The following NPSR1 variants were observed in gnomAD, a reference collection of about 807,000 sequenced individuals.
NPSR1 encodes neuropeptide S receptor 1.
A neutral mutation model predicts 46.9 loss-of-function variants in NPSR1; 48 were observed. That is an observed-to-expected ratio of 1.02 (90% CI 0.81 to 1.30). The LOEUF (loss-of-function observed/expected upper bound fraction) is 1.30. Ranked by LOEUF, NPSR1 falls within the 50% of genes most tolerant of loss-of-function variation. The pLI, the probability that NPSR1 is intolerant of heterozygous loss-of-function variation, is 0.00. For missense variants in NPSR1, 450 were observed against 449.5 expected (o/e 1.00, Z -0.01); for synonymous variants, 176 against 168.1 (o/e 1.05, Z -0.36).
chr7:34,834,048 C>T (rs1790248286), intron 5 of NPSR1: 1 of 318,698 alleles, frequency 3.1e-6, no homozygotes, highest in African/African-American at 2.1e-5. Context: ...GACTGTACAA[C>T]AGACAAGTAG....
At chr7:34,849,068 A>G (rs1309158046) in intron 8 of NPSR1, among the ~76,000 whole-genome samples, 5 of 152,274 alleles carry the variant, frequency 3.3e-5, no homozygotes, top group Non-Finnish European at 7.3e-5. Context: ...AATAATTAGC[A>G]GAGCTGAAAT....
intron 2 of NPSR1, among the ~76,000 whole-genome samples, chr7:34,687,461 C>G (rs774494939): frequency 6.6e-6 from 1 of 152,114 alleles, no homozygotes; most frequent in Non-Finnish European, 1.5e-5. Context: ...CTTATTAATA[C>G]AATCATGGCA....
chr7:34,727,890 A>G (rs1784240189), intron 2 of NPSR1, among the ~76,000 whole-genome samples: 1 of 152,178 alleles, frequency 6.6e-6, no homozygotes, highest in Non-Finnish European at 1.5e-5. Flanking sequence ...CGTTATTGAA[A>G]TAATATAACA....
At chr7:34,792,641 G>A (rs1357455568) in intron 3 of NPSR1, among the ~76,000 whole-genome samples, 1 of 81,104 alleles carries the variant, frequency 1.2e-5, no homozygotes, top group African/African-American at 4.1e-5. Flanking sequence ...GTGTGTATGT[G>A]TATATATATA....
chr7:34,827,643 C>CT (rs5883474), intron 5 of NPSR1, 41 bp downstream of exon 5: 25 of 405,662 alleles, frequency 6.2e-5, no homozygotes, highest in Admixed American at 2.3e-4. Context: ...GGGGGTGGGG[C>CT]GGGGGGGGCT....
chr7:34,673,969 G>A (rs1383403659), intron 1 of NPSR1, among the ~76,000 whole-genome samples: 1 of 152,160 alleles, frequency 6.6e-6, no homozygotes, highest in Non-Finnish European at 1.5e-5. Flanking sequence ...AACTGTATTT[G>A]CAAGCAGGCC....
At chr7:34,749,304 C>G (rs889377453) in intron 2 of NPSR1, among the ~76,000 whole-genome samples, 1 of 152,166 alleles carries the variant, frequency 6.6e-6, no homozygotes, top group Non-Finnish European at 1.5e-5. Context: ...TCTTGATTCT[C>G]TAGCTCCTTA....
intron 3 of NPSR1, among the ~76,000 whole-genome samples, chr7:34,796,244 TAAAAG>T (rs1788165714): frequency 6.6e-6 from 1 of 151,760 alleles, no homozygotes; most frequent in Non-Finnish European, 1.5e-5. Context: ...AAAACGAACA[TAAAAG>T]AAAACCTAGA....
intron 2 of NPSR1, among the ~76,000 whole-genome samples, chr7:34,715,778 C>T (rs1783531356): frequency 1.3e-5 from 2 of 152,178 alleles, no homozygotes; most frequent in African/African-American, 2.4e-5. Flanking sequence ...CTGGGTTCAT[C>T]TTTGTAGCTA....
chr7:34,778,183 A>C (rs1001519177), intron 2 of NPSR1, among the ~76,000 whole-genome samples: 1 of 152,158 alleles, frequency 6.6e-6, no homozygotes, highest in East Asian at 1.9e-4. Context: ...CTGTTCTGTG[A>C]CTTAAAAAGT....
chr7:34,771,132 T>G (rs1052325381), intron 2 of NPSR1, among the ~76,000 whole-genome samples: 2 of 152,106 alleles, frequency 1.3e-5, no homozygotes, highest in Non-Finnish European at 2.9e-5. Flanking sequence ...TTTATTCTGT[T>G]AACAGTGAAG....
chr7:34,780,241 G>C (rs1032531288), intron 3 of NPSR1, among the ~76,000 whole-genome samples: 2 of 152,080 alleles, frequency 1.3e-5, no homozygotes, highest in African/African-American at 4.8e-5. Context: ...TAGGAAGTAA[G>C]GATTATTTTC....
chr7:34,752,863 T>C (rs561118451), intron 2 of NPSR1, among the ~76,000 whole-genome samples: 17 of 152,326 alleles, frequency 1.1e-4, no homozygotes, highest in African/African-American at 3.8e-4. Context: ...GACACAAAGC[T>C]GAACAGGCAC....
At chr7:34,832,293 G>C (rs1345354723) in intron 5 of NPSR1, among the ~76,000 whole-genome samples, 1 of 152,188 alleles carries the variant, frequency 6.6e-6, no homozygotes, top group East Asian at 1.9e-4. Flanking sequence ...CAGCACTCTG[G>C]GAGGCCTAGG....
At chr7:34,797,319 C>T (rs1389352521) in intron 3 of NPSR1, among the ~76,000 whole-genome samples, 1 of 152,126 alleles carries the variant, frequency 6.6e-6, no homozygotes, top group Admixed American at 6.6e-5. Flanking sequence ...CTAATGTAAA[C>T]TATGAACTTT....
intron 2 of NPSR1, among the ~76,000 whole-genome samples, chr7:34,717,699 G>T (rs1336818886): frequency 6.6e-6 from 1 of 152,192 alleles, no homozygotes; most frequent in African/African-American, 2.4e-5. Flanking sequence ...TCTCATCTTG[G>T]AAAAGGACAG....
intron 3 of NPSR1, among the ~76,000 whole-genome samples, chr7:34,784,929 G>A (rs1209165271): frequency 6.6e-6 from 1 of 152,054 alleles, no homozygotes; most frequent in East Asian, 1.9e-4. Context: ...TTACACTGTT[G>A]GCAGAACTGT....
At chr7:34,845,813 G>T (rs1460722469) in intron 7 of NPSR1, among the ~76,000 whole-genome samples, 2 of 151,984 alleles carry the variant, frequency 1.3e-5, no homozygotes, top group Admixed American at 1.3e-4. Context: ...TTTGTCGAAT[G>T]AATGAATGAA....
Position 34,795,445 on chromosome 7 carries a change from GAC to G in NPSR1, c.385-16320_385-16319del, listed in dbSNP as rs1325422006. 3.3e-5 allele frequency among the ~76,000 whole-genome samples: 5 copies of G among 152,106 alleles called. No individual in the cohort carries two copies. The East Asian group carries it at 5.8e-4, about 18-fold the overall frequency. The stretch of plus-strand genomic sequence containing the variant: ...CAATGAGACAAAAAAGGAAATAAAA[GAC>G]ACACTAATTGGAGGAGAGAAATAAA... On this transcript the variant is annotated intron_variant, in intron 3 of 8. Coordinates refer to ENST00000360581, the MANE Select transcript of NPSR1 (RefSeq NM_207172.2).
Sources: gnomAD v4.1 joint callset for allele counts (sites outside exome capture counted in the v4.1 genomes callset) on GRCh38, gnomAD v4.1.1 for gene constraint, MANE v1.5 for transcripts, NCBI Gene and HGNC (gene_info 2026-07-23, HGNC 2026-07-21) for gene names.